Variants in CNTNAP2 observed in about 807,000 individuals in gnomAD.
The protein encoded by CNTNAP2 is contactin associated protein 2, also known as contactin-associated protein-like 2.
Under a neutral mutation model 155.2 loss-of-function variants are expected in CNTNAP2, and 98 were observed. The observed-to-expected ratio is 0.63, with a 90% CI of 0.54 to 0.75. CNTNAP2 has a LOEUF of 0.75. Ranked by LOEUF, CNTNAP2 falls within the 30% of genes least tolerant of loss-of-function variation. The pLI is 0.00. For missense variants in CNTNAP2, 1,727 were observed against 1,688.1 expected (o/e 1.02, Z -0.40); for synonymous variants, 651 against 631.2 (o/e 1.03, Z -0.47).
intron 1 of CNTNAP2, among the ~76,000 whole-genome samples, chr7:146,388,293 G>A (rs186414407): frequency 1.3e-5 from 2 of 151,852 alleles, no homozygotes; most frequent in East Asian, 3.9e-4. Context: ...AAATTAGCTA[G>A]GCATGGTGGT....
At chr7:146,169,833 A>C (rs1301854203) in intron 1 of CNTNAP2, among the ~76,000 whole-genome samples, 1 of 151,338 alleles carries the variant, frequency 6.6e-6, no homozygotes, top group Admixed American at 6.6e-5. Context: ...ATTTTATTAT[A>C]TATATCATTG....
At chr7:146,654,720 T>C (rs1370682322) in intron 1 of CNTNAP2, among the ~76,000 whole-genome samples, 2 of 152,166 alleles carry the variant, frequency 1.3e-5, no homozygotes, top group Non-Finnish European at 2.9e-5. Flanking sequence ...TATGAAGTTA[T>C]AAGAAATAAT....
chr7:148,001,308 C>T (rs370442334), intron 15 of CNTNAP2, among the ~76,000 whole-genome samples: 13 of 152,346 alleles, frequency 8.5e-5, no homozygotes, highest in East Asian at 1.9e-4. Context: ...TAGCCTTCAG[C>T]CTGGCTCTCA....
chr7:148,387,686 T>C (rs1799244434), intron 22 of CNTNAP2, among the ~76,000 whole-genome samples: 1 of 152,170 alleles, frequency 6.6e-6, no homozygotes, highest in African/African-American at 2.4e-5. Flanking sequence ...GCTCTAATCT[T>C]GTATAGTGCT....
intron 2 of CNTNAP2, among the ~76,000 whole-genome samples, chr7:146,821,560 G>A (rs533655072): frequency 3.3e-5 from 5 of 151,962 alleles, no homozygotes; most frequent in Admixed American, 6.6e-5. Flanking sequence ...GAAAATGTTC[G>A]CAACCTACTC....
At chr7:146,689,342 T>A (rs1255160313) in intron 1 of CNTNAP2, among the ~76,000 whole-genome samples, 1 of 152,108 alleles carries the variant, frequency 6.6e-6, no homozygotes, top group East Asian at 1.9e-4. Context: ...ATCACATTTG[T>A]ATTGTTATTA....
chr7:147,035,037 A>G (rs1326420644), intron 3 of CNTNAP2, among the ~76,000 whole-genome samples: 2 of 152,160 alleles, frequency 1.3e-5, no homozygotes, highest in Non-Finnish European at 2.9e-5. Flanking sequence ...CCCTCCTCCC[A>G]TATCGCATTC....
At chr7:148,372,558 A>G (rs1798906722) in intron 21 of CNTNAP2, among the ~76,000 whole-genome samples, 1 of 151,940 alleles carries the variant, frequency 6.6e-6, no homozygotes. Context: ...AAATACAAAA[A>G]TTAGCCTGGT....
chr7:147,955,402 T>A (rs1181762406), intron 14 of CNTNAP2, among the ~76,000 whole-genome samples: 1 of 152,158 alleles, frequency 6.6e-6, no homozygotes, highest in East Asian at 1.9e-4. Context: ...AAAACTACAT[T>A]ATTCCAAAAC....
At chr7:146,390,852 G>A (rs1002355701) in intron 1 of CNTNAP2, among the ~76,000 whole-genome samples, 6 of 138,378 alleles carry the variant, frequency 4.3e-5, no homozygotes, top group African/African-American at 7.9e-5. Context: ...GCGGATCAAG[G>A]GGTCAAGAGA....
intron 1 of CNTNAP2, among the ~76,000 whole-genome samples, chr7:146,161,084 G>A (rs1434950018): frequency 6.6e-6 from 1 of 151,980 alleles, no homozygotes; most frequent in Admixed American, 6.6e-5. Flanking sequence ...TCGTATAAAC[G>A]GAACTAAAGA....
At chr7:146,725,762 C>A (rs139982166) in intron 1 of CNTNAP2, among the ~76,000 whole-genome samples, 8 of 152,162 alleles carry the variant, frequency 5.3e-5, no homozygotes, top group Admixed American at 5.2e-4. Context: ...ACTCAGCATG[C>A]GGGAGGAACA....
At chr7:146,243,225 A>G (rs1030219484) in intron 1 of CNTNAP2, among the ~76,000 whole-genome samples, 1 of 152,126 alleles carries the variant, frequency 6.6e-6, no homozygotes, top group African/African-American at 2.4e-5. Context: ...TCAGGTTCCT[A>G]GTACCAATTA....
intron 3 of CNTNAP2, among the ~76,000 whole-genome samples, chr7:146,914,867 G>A (rs779653623): frequency 1.0e-3 from 153 of 151,352 alleles, no homozygotes; most frequent in Non-Finnish European, 1.9e-3. Flanking sequence ...TTTTCTTTTG[G>A]GTTCTTGGTC....
chr7:146,274,829 C>A (rs1014333586), intron 1 of CNTNAP2, among the ~76,000 whole-genome samples: 1 of 152,254 alleles, frequency 6.6e-6, no homozygotes, highest in Non-Finnish European at 1.5e-5. Context: ...ACATTTCGAG[C>A]AAAGAGTGGG....
chr7:147,656,908 A>G (rs1795533881), intron 13 of CNTNAP2, among the ~76,000 whole-genome samples: 1 of 152,204 alleles, frequency 6.6e-6, no homozygotes, highest in Admixed American at 6.5e-5. Flanking sequence ...CACCCAATGG[A>G]GGATGTATCA....
At chr7:147,219,845 G>A (rs1242724269) in intron 8 of CNTNAP2, among the ~76,000 whole-genome samples, 11 of 151,980 alleles carry the variant, frequency 7.2e-5, no homozygotes, top group Non-Finnish European at 7.4e-5. Context: ...GCGCCATCTC[G>A]GCTCACTGCA....
In CNTNAP2 at chr7:146,929,221, G is replaced by T. The variant is rs565915254; in HGVS notation, c.402+89317G>T. Among the ~76,000 whole-genome samples the T allele has an allele frequency of 9.0e-4, 137 of 152,250 alleles. 1 individual carries two copies. The highest frequency in any genetic ancestry group is 1.6e-3 in the Non-Finnish European group (109 of 68,024). On this transcript the variant is annotated intron_variant, in intron 3 of 23. Coordinates refer to ENST00000361727, the MANE Select transcript of CNTNAP2 (RefSeq NM_014141.6). ...GGCAGACTGACACCTCACACGGCCG[G>T]GTACTCCTCTGAGACAAAACTTCCA... is the stretch of plus-strand genomic sequence containing the variant.
chr7:147,992,963 A>G (rs558750021), intron 15 of CNTNAP2, among the ~76,000 whole-genome samples: 5 of 152,204 alleles, frequency 3.3e-5, no homozygotes, highest in East Asian at 1.9e-4. Context: ...ATTATATTAT[A>G]CTGAATAGGA....
Sources: allele counts gnomAD v4.1 joint callset (sites outside exome capture counted in the v4.1 genomes callset), GRCh38; gene constraint gnomAD v4.1.1; transcripts MANE v1.5; gene names NCBI Gene and HGNC (gene_info 2026-07-23, HGNC 2026-07-21).